SIDT2: variants seen among roughly 807,000 people sequenced by gnomAD.
The protein encoded by SIDT2 is SID1 transmembrane family, member 2.
In SIDT2, 68 loss-of-function variants were observed where a neutral mutation model predicts 114.4. That is an observed-to-expected ratio of 0.59 (90% CI 0.49 to 0.73). SIDT2 has a LOEUF of 0.73. Ranked by LOEUF, SIDT2 falls within the 30% of genes least tolerant of loss-of-function variation. SIDT2 has a pLI of 0.00. For synonymous variants in SIDT2, 470 were observed against 438.4 expected, an observed-to-expected ratio of 1.07 and a Z score of -0.90; for missense variants, 918 against 1,097.1, an observed-to-expected ratio of 0.84 and a Z score of 2.31.
At position 117,188,983 on chromosome 11, in the gene SIDT2, C is replaced by T; in HGVS notation, c.1278+157C>T. The T allele has an allele frequency of 2.1e-6, 2 of 969,628 alleles. No homozygotes were observed. The highest frequency in any genetic ancestry group is 2.2e-4 in the Middle Eastern group (1 of 4,572). The allele number at this position is 969,628 out of a possible 1,614,324, so 60.1% of individuals were successfully genotyped here. On this transcript the variant is annotated intron_variant, in intron 13 of 25. Coordinates refer to ENST00000324225, the MANE Select transcript of SIDT2 (RefSeq NM_001040455.2). This position sits in a 1 kb window ranked among gnomAD's most constrained non-coding sequence, Gnocchi z 4.0. ...ATGCCGGGGAAACTAACCTGACCTCCAACCCCTTCCGGCCTGATTGGCCAA... is the reference window on the plus strand; with the variant it reads ...ATGCCGGGGAAACTAACCTGACCTCTAACCCCTTCCGGCCTGATTGGCCAA...
intron 4 of SIDT2, 136 bp downstream of exon 4, chr11:117,182,241 C>T (rs1219149403): frequency 3.0e-6 from 3 of 1,011,518 alleles, no homozygotes; most frequent in African/African-American, 3.2e-5. Context: ...AACAGGAGCT[C>T]TGGCCCTGAC....
At position 117,192,198 on chromosome 11, in the gene SIDT2, C is replaced by T. The variant is rs1189771943; in HGVS notation, c.1873-56C>T. The T allele has an allele frequency of 2.0e-6, 3 of 1,466,664 alleles. No individual in the cohort carries two copies. Among genetic ancestry groups the T allele is most frequent in the Non-Finnish European group, 2.9e-6 (3 of 1,047,924 alleles). The allele number at this position is 1,466,664 out of a possible 1,614,324, so 90.9% of individuals were successfully genotyped here. ...GCAGCCAGCCCCAGGAAGGGTGGGC[C>T]ATCCGAGCCACTTCCCTCTCCACCC... On this transcript the variant is annotated intron_variant, in intron 19 of 25. Coordinates refer to ENST00000324225, the MANE Select transcript of SIDT2 (RefSeq NM_001040455.2). This position sits in a 1 kb window ranked among gnomAD's most constrained non-coding sequence, Gnocchi z 5.9.
Position 117,181,909 on chromosome 11 carries a change from C to T in SIDT2, c.408C>T (p.Thr136=), listed in dbSNP as rs2030303644. The change falls in exon 3 of 26, where the codon ACC becomes ACT. Residue 136 remains threonine, a synonymous_variant. Transcript: ENST00000324225. ...EIQFFYVDVS[T]LSPVNTTYQL... is the part of the protein sequence containing the mutation. ...AGTTCTTCTACGTGGATGTGTCCAC[C>T]CTGTCACCAGTCAACACCACATACC... is the stretch of plus-strand genomic sequence containing the variant. 3 of 1,614,022 alleles carry T rather than the reference C, an allele frequency of 1.9e-6. No individual in the cohort carries two copies. Among genetic ancestry groups the T allele is most frequent in the Non-Finnish European group, 2.5e-6 (3 of 1,180,024 alleles).
At chr11:117,185,212 G>A (rs1431868326) in intron 8 of SIDT2, among the ~76,000 whole-genome samples, 3 of 151,990 alleles carry the variant, frequency 2.0e-5, no homozygotes, top group African/African-American at 7.3e-5. Context: ...ACCACGCCCG[G>A]CTAATTTTTT....
At chr11:117,187,538 C>G in intron 11 of SIDT2, 89 bp downstream of exon 11, 1 of 1,588,260 alleles carries the variant, frequency 6.3e-7, no homozygotes, top group East Asian at 2.2e-5. Flanking sequence ...TGGGAGCCAC[C>G]TCCTCCAGCC....
intron 24 of SIDT2, 117 bp from the exon 25 acceptor site, chr11:117,195,685 G>A: frequency 1.0e-6 from 1 of 988,844 alleles, no homozygotes; most frequent in East Asian, 2.4e-5. Flanking sequence ...GGTCAGAATT[G>A]CTGCTGTCCT....
chr11:117,193,397 T>A, intron 23 of SIDT2, 139 bp downstream of exon 23: 1 of 776,250 alleles, frequency 1.3e-6, no homozygotes, highest in East Asian at 2.5e-5. Context: ...TAAAGCCTCT[T>A]GCATGGGCCC....
At chr11:117,185,308 A>G (rs1156821702) in intron 8 of SIDT2, among the ~76,000 whole-genome samples, 1 of 150,034 alleles carries the variant, frequency 6.7e-6, no homozygotes, top group Non-Finnish European at 1.5e-5. Flanking sequence ...CCCGGCTCCC[A>G]AAGTGCTGAG....
At chr11:117,181,607 A>T in intron 2 of SIDT2, 70 bp downstream of exon 2, 1 of 1,605,036 alleles carries the variant, frequency 6.2e-7, no homozygotes. Context: ...CTCAACCAGG[A>T]GCCCCCCCAT....
In SIDT2 at chr11:117,187,734, C is replaced by T; in HGVS notation, c.1159+35C>T. The stretch of plus-strand genomic sequence containing the variant: ...CCAGGCTGGGAGGGGCGGTGTGGTG[C>T]AGGACGGTGTTGTCTGGGTAAAATG... On this transcript the variant is annotated intron_variant, in intron 12 of 25. Transcript: ENST00000324225. 4 of 1,600,972 alleles carry T rather than the reference C, an allele frequency of 2.5e-6. No individual in the cohort carries two copies. In the South Asian group the frequency reaches 3.3e-5, roughly 13 times the overall value.
intron 8 of SIDT2, chr11:117,185,902 G>GTATAAT: frequency 3.0e-6 from 1 of 331,710 alleles, no homozygotes; most frequent in Non-Finnish European, 5.5e-6. Context: ...AAAAGTAGAA[G>GTATAAT]AGAAAGTTCT....
Position 117,181,830 on chromosome 11 carries a change from A to G in SIDT2, c.329A>G (p.Gln110Arg). The G allele has an allele frequency of 6.2e-7, 1 of 1,614,120 alleles. No homozygotes were observed. The highest frequency in any genetic ancestry group is 1.3e-5 in the African/African-American group (1 of 75,028). The change falls in exon 3 of 26, where the codon CAA becomes CGA. Residue 110 changes from glutamine (Q) to arginine (R), a missense_variant. Transcript: ENST00000324225. ...RGMFQRKYLY[Q>R]KVERTLCQPP... ...AGGTTTCAGCGCAAGTACCTCTACC[A>G]AAAAGTGGAACGAACCCTGTGTCAG... is the stretch of plus-strand genomic sequence containing the variant.
rs1294644311 is a variant in SIDT2, at chr11:117,192,753, G to T, written c.2059-67G>T. 3 of 1,612,034 alleles carry T rather than the reference G, an allele frequency of 1.9e-6. No homozygotes were observed. Among genetic ancestry groups the T allele is most frequent in the Non-Finnish European group, 2.5e-6 (3 of 1,178,358 alleles). On this transcript the variant is annotated intron_variant, in intron 21 of 25. Transcript: ENST00000324225. This position sits in a 1 kb window ranked among gnomAD's most constrained non-coding sequence, Gnocchi z 5.9. ...ACCCAGGGGAGAGTGGGGACCAGCT[G>T]GCTGGGCCTTCTTCCACCACCCTCC...
Position 117,181,548 on chromosome 11 carries a change from T to C in SIDT2, c.305+11T>C, listed in dbSNP as rs1447516812. ...AATCCTGCGAGGGATGTGAGTAGGA[T>C]CTGGGCATCAGGGAAGCGGGGCAGC... On this transcript the variant is annotated intron_variant, in intron 2 of 25. Transcript: ENST00000324225. 1 of 1,613,706 alleles carries C rather than the reference T, an allele frequency of 6.2e-7. No homozygotes were observed. The highest frequency in any genetic ancestry group is 1.1e-5 in the South Asian group (1 of 91,058).
At chr11:117,195,939 C>T (rs924913998) in intron 25 of SIDT2, 24 bp downstream of exon 25, 12 of 1,614,106 alleles carry the variant, frequency 7.4e-6, no homozygotes, top group Admixed American at 5.0e-5. Flanking sequence ...CCGGCCGAGC[C>T]GGGTGGGTAC....
At chr11:117,184,340 A>G (rs1435578473) in intron 8 of SIDT2, among the ~76,000 whole-genome samples, 1 of 152,222 alleles carries the variant, frequency 6.6e-6, no homozygotes, top group Non-Finnish European at 1.5e-5. Flanking sequence ...CAGAGAGTTC[A>G]TGACTAAAGA....
chr11:117,188,097 G>T lies in SIDT2; in HGVS notation c.1159+398G>T. 2 of 421,174 alleles carry T rather than the reference G, an allele frequency of 4.7e-6. No individual in the cohort carries two copies. Among genetic ancestry groups the T allele is most frequent in the Middle Eastern group, 7.2e-4 (1 of 1,386 alleles). 26.1% of individuals were successfully genotyped at this position (421,174 alleles called of 1,614,324 possible). On this transcript the variant is annotated intron_variant, in intron 12 of 25. Coordinates refer to ENST00000324225, the MANE Select transcript of SIDT2 (RefSeq NM_001040455.2). The surrounding 1 kb of genome is among the most constrained non-coding windows in gnomAD (Gnocchi z 4.0). ...AATTGCCCGCTCTTGTGTCTTCTGA[G>T]ATAGCAGCAGAGCACAGGCTCCTTT...
In SIDT2 at chr11:117,182,671, A is replaced by G. The variant is rs1243602899; in HGVS notation, c.618+51A>G. ...CCCCAGCAGGCAGCAGGGCTGCTAA[A>G]GAGAGGGGCAGGCCAGGTTCCCATC... On this transcript the variant is annotated intron_variant, in intron 5 of 25. Coordinates refer to ENST00000324225, the MANE Select transcript of SIDT2 (RefSeq NM_001040455.2). 5 of 1,613,870 alleles carry G rather than the reference A, an allele frequency of 3.1e-6. No homozygotes were observed. The African/African-American group carries it at 5.3e-5, about 17-fold the overall frequency.
rs373778267 is a variant in SIDT2 at position 117,190,315 on chromosome 11, G to A, written c.1617+26G>A. 5 of 1,524,984 alleles carry A rather than the reference G, an allele frequency of 3.3e-6. No individual in the cohort carries two copies. Among genetic ancestry groups the A allele is most frequent in the East Asian group, 2.3e-5 (1 of 44,132 alleles). 94.5% of individuals were successfully genotyped at this position (1,524,984 alleles called of 1,614,324 possible). On this transcript the variant is annotated intron_variant, in intron 17 of 25. Coordinates refer to ENST00000324225, the MANE Select transcript of SIDT2 (RefSeq NM_001040455.2). The surrounding 1 kb of genome is among the most constrained non-coding windows in gnomAD (Gnocchi z 4.1). Reference sequence around the variant, plus strand: ...GTAAGGGAGCACCTGCCTGCCTGCCGCAGCCTCAGCTCCAGCACAGACCTC... The same window carrying A: ...GTAAGGGAGCACCTGCCTGCCTGCCACAGCCTCAGCTCCAGCACAGACCTC...
Sources: allele counts gnomAD v4.1 joint callset (sites outside exome capture counted in the v4.1 genomes callset), GRCh38; gene constraint gnomAD v4.1.1; non-coding constraint Gnocchi (gnomAD v3.1); transcripts MANE v1.5; gene names NCBI Gene and HGNC (gene_info 2026-07-23, HGNC 2026-07-21).